The following ME3 variants were observed in gnomAD, a reference collection of about 807,000 sequenced individuals.
The protein encoded by ME3 is NADP-dependent malic enzyme, mitochondrial.
A neutral mutation model predicts 68.9 loss-of-function variants in ME3; 48 were observed. That is an observed-to-expected ratio of 0.70 (90% CI 0.55 to 0.89). The LOEUF is 0.89. Among genes scored for constraint, ME3 ranks in the 40% least tolerant of loss-of-function variants. The probability of loss-of-function intolerance (pLI) is 0.00; values close to 1 mark genes in which losing one functional copy is unlikely to be tolerated. For missense variants in ME3, 675 were observed against 797.4 expected (o/e 0.85, Z 1.85); for synonymous variants, 320 against 318.8 (o/e 1.00, Z -0.04).
intron 8 of ME3, among the ~76,000 whole-genome samples, chr11:86,456,058 ACT>A (rs1565801963): frequency 1.3e-5 from 2 of 151,782 alleles, no homozygotes; most frequent in African/African-American, 4.8e-5. Flanking sequence ...CGCCCATAAA[ACT>A]CTCTTTCATT....
chr11:86,637,457 C>T (rs1431245543), intron 2 of ME3, among the ~76,000 whole-genome samples: 2 of 151,626 alleles, frequency 1.3e-5, no homozygotes, highest in Admixed American at 6.6e-5. Flanking sequence ...CTAGAGCTGT[C>T]AGGGAAGATT....
chr11:86,584,261 T>A (rs1958608425), intron 2 of ME3, among the ~76,000 whole-genome samples: 1 of 152,046 alleles, frequency 6.6e-6, no homozygotes, highest in South Asian at 2.1e-4. Context: ...AAAACCACAA[T>A]GTGTTATTAC....
intron 2 of ME3, among the ~76,000 whole-genome samples, chr11:86,635,074 G>A (rs1326986045): frequency 6.6e-6 from 1 of 152,158 alleles, no homozygotes; most frequent in African/African-American, 2.4e-5. Flanking sequence ...GGAGGCCAAG[G>A]CAGATGGACC....
intron 2 of ME3, among the ~76,000 whole-genome samples, chr11:86,623,172 G>C (rs1021182562): frequency 6.6e-6 from 1 of 152,092 alleles, no homozygotes; most frequent in African/African-American, 2.4e-5. Flanking sequence ...GTCTCATCTG[G>C]TATCATCCAA....
intron 8 of ME3, among the ~76,000 whole-genome samples, chr11:86,464,869 G>A (rs1423228170): frequency 1.3e-5 from 2 of 152,230 alleles, no homozygotes; most frequent in Admixed American, 1.3e-4. Context: ...ACCTACCTCT[G>A]AAGTAGTAAT....
intron 2 of ME3, among the ~76,000 whole-genome samples, chr11:86,583,379 G>GT (rs1958550992): frequency 6.6e-6 from 1 of 152,162 alleles, no homozygotes. Context: ...AATACAAGAT[G>GT]TAGTGATTTG....
chr11:86,647,377 C>T (rs1055199102), intron 2 of ME3, among the ~76,000 whole-genome samples: 7 of 151,440 alleles, frequency 4.6e-5, no homozygotes, highest in African/African-American at 7.3e-5. Context: ...CCCAGCTACT[C>T]GGGAGGCTGA....
intron 2 of ME3, among the ~76,000 whole-genome samples, chr11:86,593,199 T>TAAGAAGCAAACTGA (rs1959157829): frequency 3.4e-5 from 4 of 116,840 alleles, no homozygotes; most frequent in African/African-American, 9.7e-5. Context: ...CCACCCTCCT[T>TAAGAAGCAAACTGA]CACTCACATA....
At chr11:86,602,468 TGG>T (rs1188884141) in intron 2 of ME3, among the ~76,000 whole-genome samples, 3 of 152,116 alleles carry the variant, frequency 2.0e-5, no homozygotes, top group Non-Finnish European at 4.4e-5. Context: ...TACAAACAAA[TGG>T]AAGAACATTC....
chr11:86,453,736 C>A (rs1029601086), intron 8 of ME3, among the ~76,000 whole-genome samples: 1 of 152,178 alleles, frequency 6.6e-6, no homozygotes, highest in African/African-American at 2.4e-5. Context: ...CTAAATCTGG[C>A]AGCCCCACAG....
At chr11:86,444,420 A>G (rs1373513765) in intron 13 of ME3, among the ~76,000 whole-genome samples, 1 of 152,160 alleles carries the variant, frequency 6.6e-6, no homozygotes, top group Non-Finnish European at 1.5e-5. Flanking sequence ...GAGCCATACG[A>G]AGGTCTGAAA....
chr11:86,497,971 T>C (rs1323590556), exon 6 of ME3: 1 of 1,601,036 alleles, frequency 6.2e-7, no homozygotes, highest in African/African-American at 1.3e-5. Context: ...ACCTCATTGT[T>C]GGTGCCGACG....
chr11:86,646,471 G>A (rs146747539), intron 2 of ME3, among the ~76,000 whole-genome samples: 200 of 152,266 alleles, frequency 1.3e-3, no homozygotes, highest in African/African-American at 4.7e-3. Flanking sequence ...GATTAACTTA[G>A]TAAAATAAAG....
At chr11:86,576,559 C>T (rs1361430568) in intron 2 of ME3, among the ~76,000 whole-genome samples, 1 of 152,212 alleles carries the variant, frequency 6.6e-6, no homozygotes, top group Non-Finnish European at 1.5e-5. Context: ...CAGATCAGCT[C>T]TTGCACTGTC....
chr11:86,482,575 C>G (rs1057238595), intron 7 of ME3, among the ~76,000 whole-genome samples: 1 of 150,156 alleles, frequency 6.7e-6, no homozygotes. Flanking sequence ...ATAACCTCCT[C>G]CCTTGGAATC....
At chr11:86,657,930 CAAGTA>C (rs1946015030) in intron 2 of ME3, among the ~76,000 whole-genome samples, 1 of 151,950 alleles carries the variant, frequency 6.6e-6, no homozygotes, top group Admixed American at 6.6e-5. Context: ...TTCAGGGATG[CAAGTA>C]AAGAAGACAT....
intron 2 of ME3, among the ~76,000 whole-genome samples, chr11:86,609,666 A>T (rs1285727222): frequency 6.6e-6 from 1 of 152,146 alleles, no homozygotes; most frequent in Admixed American, 6.6e-5. Context: ...GCAATGCTGC[A>T]CTCTTAAGCC....
chr11:86,504,460 G>A (rs1472680094), intron 5 of ME3, among the ~76,000 whole-genome samples: 2 of 136,248 alleles, frequency 1.5e-5, no homozygotes, highest in African/African-American at 5.6e-5. Context: ...GCCTGATCTC[G>A]GCTCACTGCA....
intron 2 of ME3, among the ~76,000 whole-genome samples, chr11:86,630,858 G>T (rs10219305): frequency 6.6e-6 from 1 of 152,174 alleles, no homozygotes; most frequent in African/African-American, 2.4e-5. Context: ...GGGAGGCAGT[G>T]AAAGTTTGAA....
Sources: allele counts gnomAD v4.1 joint callset (sites outside exome capture counted in the v4.1 genomes callset), GRCh38; gene constraint gnomAD v4.1.1; transcripts MANE v1.5; gene names NCBI Gene and HGNC (gene_info 2026-07-23, HGNC 2026-07-21).